The following HMGCL variants were observed in gnomAD, a reference collection of about 807,000 sequenced individuals.
The protein encoded by HMGCL is 3-hydroxy-3-methylglutaryl-CoA lyase.
In HMGCL, 26 loss-of-function variants were observed where a neutral mutation model predicts 37.3. The observed-to-expected ratio is 0.70, with a 90% CI of 0.51 to 0.97. The LOEUF is 0.97. HMGCL is among the 50% of genes least tolerant of loss of function. The pLI, the probability that HMGCL is intolerant of heterozygous loss-of-function variation, is 0.00. For missense variants in HMGCL, 379 were observed against 398.1 expected, an observed-to-expected ratio of 0.95 and a Z score of 0.41; for synonymous variants, 151 against 148.0, an observed-to-expected ratio of 1.02 and a Z score of -0.15.
chr1:23,813,282 C>T lies in HMGCL; in HGVS notation c.497+908G>A, dbSNP rs529972134. ...TGGAGTTTTGCTCTGTCACCCAGGCCGGAGTACAGTGGTGTGATCTCGGCT... is the reference window on the plus strand; with the variant it reads ...TGGAGTTTTGCTCTGTCACCCAGGCTGGAGTACAGTGGTGTGATCTCGGCT... On this transcript the variant is annotated intron_variant, in intron 5 of 8. Transcript: ENST00000374490. Among the ~76,000 whole-genome samples, 3 of 141,682 alleles carry T rather than the reference C, an allele frequency of 2.1e-5. No individual in the cohort carries two copies. In the Admixed American group the frequency reaches 2.2e-4, roughly 10 times the overall value. 92.9% of individuals were successfully genotyped at this position (141,682 alleles called of 152,430 possible).
chr1:23,802,613 C>T, intron 8 of HMGCL, 49 bp from the exon 9 acceptor site: 1 of 1,168,028 alleles, frequency 8.6e-7, no homozygotes. Flanking sequence ...ATGCCCTCAA[C>T]ACCAGGGAAA....
At chr1:23,816,901 G>C in intron 3 of HMGCL, 131 bp from the exon 4 acceptor site, 1 of 726,952 alleles carries the variant, frequency 1.4e-6, no homozygotes, top group Non-Finnish European at 2.5e-6. Flanking sequence ...GCAGAGCTGA[G>C]TCTCTCCAAT....
At position 23,817,551 on chromosome 1, in the gene HMGCL, C is replaced by T. The variant is rs1375512664; in HGVS notation, c.177G>A (p.Leu59=). ...GTCCTGCTTCAGAAAGCATGTCTAT[C>T]AGCTTGATTTTCACTGGAGTAGATA... ...NIVSTPVKIK[L]IDMLSEAGLS... The change falls in exon 3 of 9, where the codon CTG becomes CTA. Residue 59 remains leucine (L), a synonymous_variant. Coordinates refer to ENST00000374490, the MANE Select transcript of HMGCL (RefSeq NM_000191.3). 1 of 1,613,246 alleles carries T rather than the reference C, an allele frequency of 6.2e-7. No homozygotes were observed. The highest frequency in any genetic ancestry group is 1.1e-5 in the South Asian group (1 of 91,054).
chr1:23,825,003 G>A (rs1638790377), intron 1 of HMGCL, among the ~76,000 whole-genome samples: 1 of 152,200 alleles, frequency 6.6e-6, no homozygotes, highest in African/African-American at 2.4e-5. Context: ...AAATGGAAGC[G>A]TGTTCTTGAT....
intron 1 of HMGCL, among the ~76,000 whole-genome samples, chr1:23,821,383 C>T (rs746991869): frequency 6.6e-5 from 10 of 151,794 alleles, no homozygotes; most frequent in Admixed American, 2.6e-4. Context: ...AGGCCAGGCA[C>T]GGTGGCTCAT....
rs559163823 is a variant in HMGCL, at chr1:23,807,933, T to C, written c.750+202A>G. ...TGGCATCTGTCATAATGCAGTGGGA[T>C]TGCCATGTAACTCCCTTGACTGTCT... On this transcript the variant is annotated intron_variant, in intron 7 of 8. Transcript: ENST00000374490. 1.6e-3 allele frequency among the ~76,000 whole-genome samples: 241 copies of C among 152,278 alleles called. 1 individual carries two copies. Among genetic ancestry groups the C allele is most frequent in the African/African-American group, 5.5e-3 (228 of 41,538 alleles).
intron 5 of HMGCL, 138 bp from the exon 6 acceptor site, chr1:23,810,937 G>T: frequency 2.8e-6 from 2 of 713,102 alleles, no homozygotes; most frequent in Non-Finnish European, 5.2e-6. Flanking sequence ...GGCAGGGATG[G>T]TACAATTCAG....
intron 2 of HMGCL, 58 bp downstream of exon 2, chr1:23,820,452 G>A (rs566571393): frequency 1.4e-5 from 16 of 1,167,574 alleles, no homozygotes; most frequent in African/African-American, 1.2e-4. Flanking sequence ...CCTATCACAC[G>A]TAATACTCAA....
At chr1:23,817,608 G>A (rs1638635536) in intron 2 of HMGCL, 25 bp from the exon 3 acceptor site, 11 of 1,445,266 alleles carry the variant, frequency 7.6e-6, no homozygotes, top group Middle Eastern at 1.8e-4. Flanking sequence ...GAAACACCAA[G>A]GCAGCAAAGT....
At chr1:23,805,688 T>C (rs566323507) in intron 7 of HMGCL, among the ~76,000 whole-genome samples, 2 of 152,144 alleles carry the variant, frequency 1.3e-5, no homozygotes, top group Non-Finnish European at 2.9e-5. Context: ...CTCACCTCCC[T>C]GATCTCGGTT....
intron 1 of HMGCL, among the ~76,000 whole-genome samples, chr1:23,823,952 ACT>A (rs1488465222): frequency 4.1e-5 from 1 of 24,676 alleles, no homozygotes; most frequent in Non-Finnish European, 8.2e-5. Context: ...GGAGTTACTC[ACT>A]GAGGCAATAT....
intron 1 of HMGCL, among the ~76,000 whole-genome samples, chr1:23,824,235 G>C (rs948015426): frequency 1.3e-5 from 2 of 152,278 alleles, no homozygotes; most frequent in Admixed American, 1.3e-4. Context: ...TCCCAACTCC[G>C]TAGGTGAAGA....
rs776280224 is a variant in HMGCL, at chr1:23,820,513, T to C, written c.141A>G (p.Glu47=). The C allele has an allele frequency of 1.3e-5, 21 of 1,612,672 alleles. No individual in the cohort carries two copies. The highest frequency in any genetic ancestry group is 1.8e-5 in the Non-Finnish European group (21 of 1,178,740). The change falls in exon 2 of 9, where the codon GAA becomes GAG. Residue 47 remains glutamate, a synonymous_variant. Coordinates refer to ENST00000374490, the MANE Select transcript of HMGCL (RefSeq NM_000191.3). The part of the protein sequence containing the change: ...EVGPRDGLQN[E]KNIVSTPVKI... The stretch of plus-strand genomic sequence containing the variant: ...TTTGGCTCATTTCCAACTTTACCTT[T>C]TCATTTTGTAGTCCATCTCGGGGAC...
chr1:23,802,594 A>C, intron 8 of HMGCL, 30 bp from the exon 9 acceptor site: 1 of 1,403,014 alleles, frequency 7.1e-7, no homozygotes. Context: ...GGATGCGGTA[A>C]GTCATGGTAT....
chr1:23,824,194 G>C (rs1160143362), intron 1 of HMGCL, among the ~76,000 whole-genome samples: 1 of 152,122 alleles, frequency 6.6e-6, no homozygotes, highest in African/African-American at 2.4e-5. Context: ...ACTAAACCCA[G>C]TGTTAAACTA....
chr1:23,820,547 AC>A lies in HMGCL; in HGVS notation c.106del (p.Val36TrpfsTer20). ...MGTLPKRVKI[V>X]EVGPRDGLQN... Reference sequence around the variant, plus strand: ...TAGTCCATCTCGGGGACCAACTTCCACAATTTTCACCCGCTTTGGTAAAGTG... The same window carrying A: ...TAGTCCATCTCGGGGACCAACTTCCAAATTTTCACCCGCTTTGGTAAAGTG... On this transcript the variant is annotated frameshift_variant, in exon 2 of 9. Transcript: ENST00000374490. LOFTEE classifies it high-confidence loss of function. 1 of 1,614,118 alleles carries A rather than the reference AC, an allele frequency of 6.2e-7. No individual in the cohort carries two copies.
Position 23,808,217 on chromosome 1 carries a change from T to C in HMGCL, c.668A>G (p.Gln223Arg). The change falls in exon 7 of 9, where the codon CAG becomes CGG. Residue 223 changes from glutamine to arginine, a missense_variant. Coordinates refer to ENST00000374490, the MANE Select transcript of HMGCL (RefSeq NM_000191.3). The part of the protein sequence containing the change: ...IMKDMLSAVM[Q>R]EVPLAALAVH... ...AGCCAGGGCAGCCAGAGGCACTTCC[T>C]GCATGACAGCAGATAGCATGTCTTT... 1 of 1,614,002 alleles carries C rather than the reference T, an allele frequency of 6.2e-7. No homozygotes were observed. The highest frequency in any genetic ancestry group is 8.5e-7 in the Non-Finnish European group (1 of 1,179,946).
At position 23,817,495 on chromosome 1, in the gene HMGCL, G is replaced by T. The variant is rs754253328; in HGVS notation, c.233C>A (p.Ser78Tyr). 2.5e-6 allele frequency: 4 copies of T among 1,611,148 alleles called. No individual in the cohort carries two copies. In the Middle Eastern group the frequency reaches 5.0e-4, roughly 199 times the overall value. The change falls in exon 3 of 9, where the codon TCT becomes TAT. Residue 78 changes from serine (S) to tyrosine (Y), a missense_variant. By Grantham distance (144) the Ser-to-Tyr change is moderately radical. Transcript: ENST00000374490. ...LSVIETTSFV[S>Y]PKWVPQMGDH... ...GCTCACCTGGGGAACCCACTTAGGA[G>T]ACACAAAGCTGGTGGTTTCTATAAC... is the stretch of plus-strand genomic sequence containing the variant.
chr1:23,814,514 G>A (rs1218411361), intron 4 of HMGCL, among the ~76,000 whole-genome samples, 176 bp from the exon 5 acceptor site: 1 of 152,054 alleles, frequency 6.6e-6, no homozygotes, highest in Non-Finnish European at 1.5e-5. Flanking sequence ...GGGATTACAG[G>A]AGCCCACCAC....
Sources: allele counts gnomAD v4.1 joint callset (sites outside exome capture counted in the v4.1 genomes callset), GRCh38; gene constraint gnomAD v4.1.1; transcripts MANE v1.5; gene names NCBI Gene and HGNC (gene_info 2026-07-23, HGNC 2026-07-21).